Variants in CNOT6 observed in about 807,000 individuals in gnomAD.
CNOT6 encodes CCR4-NOT transcription complex subunit 6.
A neutral mutation model predicts 61.2 loss-of-function variants in CNOT6; 12 were observed. That is an observed-to-expected ratio of 0.20 (90% confidence interval 0.13 to 0.32). The LOEUF (loss-of-function observed/expected upper bound fraction) is 0.32, where lower values mean the gene tolerates loss of function less well. CNOT6 is among the 10% of genes least tolerant of loss of function. The pLI is 1.00. For synonymous variants in CNOT6, 225 were observed against 240.6 expected (o/e 0.94, Z 0.60); for missense variants, 405 against 663.9 (o/e 0.61, Z 4.28).
At chr5:180,558,513 A>AG (rs1298700609) in intron 4 of CNOT6, among the ~76,000 whole-genome samples, 4 of 151,048 alleles carry the variant, frequency 2.6e-5, no homozygotes, top group African/African-American at 9.8e-5. Context: ...AACACCTTAA[A>AG]AAAAAAAACA....
intron 1 of CNOT6, among the ~76,000 whole-genome samples, chr5:180,508,699 T>G (rs1757242436): frequency 1.3e-5 from 2 of 152,136 alleles, no homozygotes; most frequent in Admixed American, 1.3e-4. Context: ...CATGGCTCAC[T>G]GCAACCTCAA....
chr5:180,544,805 A>G (rs930803307), intron 2 of CNOT6, among the ~76,000 whole-genome samples: 6 of 152,288 alleles, frequency 3.9e-5, no homozygotes, highest in Admixed American at 3.9e-4. Context: ...CAGAAAACTT[A>G]GTAGGGAACC....
intron 1 of CNOT6, among the ~76,000 whole-genome samples, chr5:180,498,803 G>T (rs1756735134): frequency 6.6e-6 from 1 of 152,124 alleles, no homozygotes; most frequent in Non-Finnish European, 1.5e-5. Context: ...CTTTGAATCT[G>T]TTTTCTTCTT....
intron 2 of CNOT6, among the ~76,000 whole-genome samples, chr5:180,537,517 T>TA (rs1208074984): frequency 2.0e-5 from 3 of 152,214 alleles, no homozygotes; most frequent in African/African-American, 4.8e-5. Context: ...TTTAAACTTT[T>TA]AAAAAATGCG....
chr5:180,569,383 A>G (rs762519194), intron 10 of CNOT6, 43 bp downstream of exon 10: 2 of 1,411,536 alleles, frequency 1.4e-6, no homozygotes, highest in Non-Finnish European at 2.0e-6. Flanking sequence ...TTTTTGACAT[A>G]AGATGATTTA....
chr5:180,570,399 T>A (rs1760689111), intron 10 of CNOT6, among the ~76,000 whole-genome samples: 1 of 152,086 alleles, frequency 6.6e-6, no homozygotes, highest in African/African-American at 2.4e-5. Flanking sequence ...AAAAACTGAG[T>A]TAAAATTCAA....
chr5:180,542,411 C>T (rs1374917724), intron 2 of CNOT6, among the ~76,000 whole-genome samples: 5 of 152,114 alleles, frequency 3.3e-5, no homozygotes, highest in Admixed American at 6.5e-5. Context: ...ACTACAGGCC[C>T]GCGCCACCAC....
chr5:180,564,335 T>C lies in CNOT6; in HGVS notation c.386-154T>C, dbSNP rs544999115. Among the ~76,000 whole-genome samples, 246 of 152,348 alleles carry C rather than the reference T, an allele frequency of 1.6e-3. 2 individuals are homozygous for C. Among genetic ancestry groups the C allele is most frequent in the African/African-American group, 5.7e-3 (236 of 41,584 alleles). On this transcript the variant is annotated intron_variant, in intron 4 of 11. Transcript: ENST00000261951. Reference sequence around the variant, plus strand: ...ACATGGTATGAATCATTTTTACTTATATCAGAAACTGAAAAAACAATATTT... The same window carrying C: ...ACATGGTATGAATCATTTTTACTTACATCAGAAACTGAAAAAACAATATTT...
chr5:180,560,937 T>G (rs62405547), intron 4 of CNOT6, among the ~76,000 whole-genome samples: 38,815 of 138,372 alleles, frequency 0.28, 6,095 homozygotes, highest in Middle Eastern at 0.42. Flanking sequence ...GGTGGTGGTG[T>G]TGGTCTGTGT....
chr5:180,528,354 A>G (rs1379515457), intron 1 of CNOT6, among the ~76,000 whole-genome samples: 2 of 152,206 alleles, frequency 1.3e-5, no homozygotes, highest in East Asian at 3.9e-4. Context: ...TCTGTTGCCC[A>G]GGCTGGAGTG....
intron 1 of CNOT6, among the ~76,000 whole-genome samples, chr5:180,503,299 T>C (rs1756967755): frequency 6.6e-6 from 1 of 151,732 alleles, no homozygotes; most frequent in African/African-American, 2.4e-5. Flanking sequence ...TTTTCACTCT[T>C]GTAGCCCAGG....
intron 2 of CNOT6, 152 bp from the exon 3 acceptor site, chr5:180,549,779 T>A: frequency 1.7e-6 from 1 of 586,614 alleles, no homozygotes; most frequent in South Asian, 2.4e-5. Flanking sequence ...CAATGAATCG[T>A]AGAATAGGTA....
intron 1 of CNOT6, among the ~76,000 whole-genome samples, chr5:180,495,244 T>C (rs1756552903): frequency 6.6e-6 from 1 of 152,194 alleles, no homozygotes; most frequent in Non-Finnish European, 1.5e-5. Flanking sequence ...GTTTTTAAAA[T>C]TCAGTTTAAC....
At chr5:180,547,838 G>A (rs886264377) in intron 2 of CNOT6, among the ~76,000 whole-genome samples, 3 of 151,964 alleles carry the variant, frequency 2.0e-5, no homozygotes, top group East Asian at 1.9e-4. Flanking sequence ...GGTTCAAGCG[G>A]TTCTCCTGCC....
intron 1 of CNOT6, among the ~76,000 whole-genome samples, chr5:180,525,057 G>A (rs979800087): frequency 5.3e-5 from 8 of 152,008 alleles, no homozygotes; most frequent in Non-Finnish European, 1.2e-4. Context: ...GCACTTCTTT[G>A]TGTTTGTTCT....
chr5:180,524,747 G>A (rs1758018926), intron 1 of CNOT6, among the ~76,000 whole-genome samples: 1 of 152,194 alleles, frequency 6.6e-6, no homozygotes, highest in South Asian at 2.1e-4. Flanking sequence ...TGATAAATCA[G>A]ACTTCTGAAC....
intron 1 of CNOT6, among the ~76,000 whole-genome samples, chr5:180,518,989 G>T (rs963795909): frequency 6.6e-6 from 1 of 152,216 alleles, no homozygotes; most frequent in Non-Finnish European, 1.5e-5. Context: ...TGGGATTACA[G>T]GCGTGAGCCA....
intron 1 of CNOT6, among the ~76,000 whole-genome samples, chr5:180,526,423 T>A (rs1163025549): frequency 6.6e-6 from 1 of 152,126 alleles, no homozygotes; most frequent in Non-Finnish European, 1.5e-5. Context: ...ATGGCTTACG[T>A]GCTAAGGGCA....
intron 1 of CNOT6, among the ~76,000 whole-genome samples, chr5:180,524,061 T>C (rs945151190): frequency 6.6e-6 from 1 of 152,296 alleles, no homozygotes; most frequent in Middle Eastern, 3.4e-3. Context: ...GTAGAGATTT[T>C]TGTTTGATTG....
Sources: gnomAD v4.1 joint callset for allele counts (sites outside exome capture counted in the v4.1 genomes callset) on GRCh38, gnomAD v4.1.1 for gene constraint, MANE v1.5 for transcripts, NCBI Gene and HGNC (gene_info 2026-07-23, HGNC 2026-07-21) for gene names.